COL23A1: variants seen among roughly 807,000 people sequenced by gnomAD.
The protein encoded by COL23A1 is collagen type XXIII alpha 1 chain, also known as collagen alpha-1(XXIII) chain.
Under a neutral mutation model 99.3 loss-of-function variants are expected in COL23A1, and 97 were observed. The observed-to-expected ratio is 0.98, with a 90% confidence interval of 0.83 to 1.16. The LOEUF (loss-of-function observed/expected upper bound fraction) is 1.16, where lower values mean the gene tolerates loss of function less well. Ranked by LOEUF, COL23A1 falls within the 50% of genes most tolerant of loss-of-function variation. The pLI is 0.00. For synonymous variants in COL23A1, 320 were observed against 308.2 expected, an observed-to-expected ratio of 1.04 and a Z score of -0.40; for missense variants, 762 against 757.4, an observed-to-expected ratio of 1.01 and a Z score of -0.07.
At chr5:178,382,715 AAG>A in intron 2 of COL23A1, among the ~76,000 whole-genome samples, 1 of 152,306 alleles carries the variant, frequency 6.6e-6, no homozygotes, top group South Asian at 2.1e-4. Flanking sequence ...TGACATGGAA[AAG>A]AGAGCCCCAG....
chr5:178,590,310 G>A lies in COL23A1; in HGVS notation c.-113C>T, dbSNP rs1447780081. ...GGCACGAGGTCCGCCGGGCGCGGGG[G>A]TTAGCCTCCGGGTAGCAGCGGATCG... On this transcript the variant is annotated 5_prime_UTR_variant, in exon 1 of 29. Transcript: ENST00000390654. The surrounding 1 kb of genome is among the most constrained non-coding windows in gnomAD (Gnocchi z 5.7). The A allele has an allele frequency of 1.7e-5, 17 of 980,284 alleles. No homozygotes were observed. The highest frequency in any genetic ancestry group is 2.0e-5 in the Non-Finnish European group (16 of 781,548). 60.7% of individuals were successfully genotyped at this position (980,284 alleles called of 1,614,324 possible).
intron 2 of COL23A1, among the ~76,000 whole-genome samples, chr5:178,356,378 T>C (rs1463424234): frequency 1.2e-5 from 1 of 82,122 alleles, no homozygotes; most frequent in Non-Finnish European, 2.5e-5. Context: ...AAAGCTGTTA[T>C]GAAAAAAGGC....
At chr5:178,303,186 G>C (rs1437165326) in intron 3 of COL23A1, among the ~76,000 whole-genome samples, 1 of 152,144 alleles carries the variant, frequency 6.6e-6, no homozygotes, top group Non-Finnish European at 1.5e-5. Flanking sequence ...TTTTAGTAGA[G>C]ATGGGGTTTC....
At chr5:178,400,230 G>A (rs1178338519) in intron 2 of COL23A1, among the ~76,000 whole-genome samples, 1 of 151,962 alleles carries the variant, frequency 6.6e-6, no homozygotes, top group Admixed American at 6.5e-5. Context: ...AGCCGGGCGT[G>A]GTGGCGGGCG....
chr5:178,283,001 G>C (rs1756978919), intron 5 of COL23A1, among the ~76,000 whole-genome samples: 1 of 152,118 alleles, frequency 6.6e-6, no homozygotes, highest in Non-Finnish European at 1.5e-5. Context: ...CTCCCAAGTA[G>C]CTGGGACTAC....
At chr5:178,327,051 A>G (rs910917803) in intron 2 of COL23A1, among the ~76,000 whole-genome samples, 1 of 152,182 alleles carries the variant, frequency 6.6e-6, no homozygotes, top group Non-Finnish European at 1.5e-5. Context: ...GGGGTGAATG[A>G]ATGACTTTAT....
At chr5:178,367,739 C>T (rs919973197) in intron 2 of COL23A1, among the ~76,000 whole-genome samples, 24 of 152,370 alleles carry the variant, frequency 1.6e-4, no homozygotes, top group African/African-American at 5.8e-4. Context: ...ACGCCTACTT[C>T]CCACTTCTGG....
chr5:178,571,135 G>A (rs1763073220), intron 1 of COL23A1, among the ~76,000 whole-genome samples: 1 of 152,166 alleles, frequency 6.6e-6, no homozygotes, highest in Admixed American at 6.5e-5. Context: ...GCCGAGGCAG[G>A]AGGATCACCT....
At chr5:178,398,563 G>A (rs982541859) in intron 2 of COL23A1, among the ~76,000 whole-genome samples, 90 of 152,262 alleles carry the variant, frequency 5.9e-4, no homozygotes, top group African/African-American at 2.2e-3. Context: ...GGAGGTGGAG[G>A]CTGCAGTGAG....
At chr5:178,259,188 TG>T (rs2127549294) in intron 12 of COL23A1, among the ~76,000 whole-genome samples, 1 of 152,288 alleles carries the variant, frequency 6.6e-6, no homozygotes, top group South Asian at 2.1e-4. Flanking sequence ...CCTAAAGTGC[TG>T]GGATTGCAGG....
intron 1 of COL23A1, among the ~76,000 whole-genome samples, chr5:178,575,470 A>ACTC (rs1763302508): frequency 6.6e-6 from 1 of 151,884 alleles, no homozygotes; most frequent in Non-Finnish European, 1.5e-5. Flanking sequence ...TTCACAACAC[A>ACTC]CTCCTATGTG....
intron 2 of COL23A1, among the ~76,000 whole-genome samples, chr5:178,408,017 A>C (rs1369629080): frequency 2.6e-5 from 4 of 152,196 alleles, no homozygotes; most frequent in African/African-American, 9.7e-5. Context: ...AAGAAACCGA[A>C]GATTTCTACA....
intron 6 of COL23A1, among the ~76,000 whole-genome samples, chr5:178,269,344 C>T (rs1561809624): frequency 5.4e-4 from 31 of 57,722 alleles, no homozygotes; most frequent in Non-Finnish European, 1.2e-3. Flanking sequence ...TCCATCCATC[C>T]ATCCACCCAC....
At chr5:178,388,497 AG>A (rs1763791985) in intron 2 of COL23A1, among the ~76,000 whole-genome samples, 1 of 152,168 alleles carries the variant, frequency 6.6e-6, no homozygotes, top group Non-Finnish European at 1.5e-5. Flanking sequence ...GCTCCTCCCA[AG>A]TCCTGGAAGC....
At chr5:178,378,812 C>T (rs940548891) in intron 2 of COL23A1, among the ~76,000 whole-genome samples, 17 of 152,086 alleles carry the variant, frequency 1.1e-4, no homozygotes, top group Admixed American at 4.6e-4. Context: ...TGGCAGCGGC[C>T]GCAGGACGGA....
chr5:178,297,303 C>T (rs1337734145), intron 3 of COL23A1, among the ~76,000 whole-genome samples: 1 of 152,208 alleles, frequency 6.6e-6, no homozygotes, highest in East Asian at 1.9e-4. Flanking sequence ...GGTGGATCAC[C>T]TGAGGTCAGG....
chr5:178,425,790 T>G (rs1428325823), intron 2 of COL23A1, among the ~76,000 whole-genome samples: 1 of 152,214 alleles, frequency 6.6e-6, no homozygotes, highest in African/African-American at 2.4e-5. Flanking sequence ...TGCTCTCGGC[T>G]TTTACTTGGA....
intron 2 of COL23A1, among the ~76,000 whole-genome samples, chr5:178,332,570 C>T (rs1437049813): frequency 6.6e-6 from 1 of 152,168 alleles, no homozygotes; most frequent in Non-Finnish European, 1.5e-5. Flanking sequence ...TTCATGACTC[C>T]CTGGCAGGGC....
intron 2 of COL23A1, among the ~76,000 whole-genome samples, chr5:178,540,723 A>G (rs2113327607): frequency 6.6e-6 from 1 of 152,196 alleles, no homozygotes; most frequent in East Asian, 1.9e-4. Flanking sequence ...GGAGTTTAAG[A>G]CCAGCCTGGG....
Sources: allele counts gnomAD v4.1 joint callset (sites outside exome capture counted in the v4.1 genomes callset), GRCh38; gene constraint gnomAD v4.1.1; non-coding constraint Gnocchi (gnomAD v3.1); transcripts MANE v1.5; gene names NCBI Gene and HGNC (gene_info 2026-07-23, HGNC 2026-07-21).